The following KCNG3 variants were observed in gnomAD, a reference collection of about 807,000 sequenced individuals.
KCNG3 encodes potassium voltage-gated channel modifier subfamily G member 3.
In KCNG3, 15 loss-of-function variants were observed where a neutral mutation model predicts 29.0. The ratio of observed to expected loss-of-function variants is 0.52; its 90% CI spans 0.35 to 0.80. The LOEUF (loss-of-function observed/expected upper bound fraction) is 0.80, where lower values mean the gene tolerates loss of function less well. KCNG3 is among the 30% of genes least tolerant of loss of function. KCNG3 has a pLI of 0.01. For missense variants in KCNG3, 512 were observed against 605.7 expected (o/e 0.85, Z 1.62); for synonymous variants, 322 against 248.9 (o/e 1.29, Z -2.76).
chr2:42,466,337 C>T (rs1200253999), intron 1 of KCNG3, among the ~76,000 whole-genome samples: 6 of 152,074 alleles, frequency 3.9e-5, no homozygotes, highest in African/African-American at 7.2e-5. Flanking sequence ...AACCAGGAGG[C>T]GGAGGTTGCA....
intron 1 of KCNG3, among the ~76,000 whole-genome samples, chr2:42,455,249 G>C (rs1350335311): frequency 1.3e-5 from 2 of 152,124 alleles, no homozygotes; most frequent in African/African-American, 4.8e-5. Context: ...CTACAGGTGT[G>C]AGCCACCACG....
chr2:42,401,133 G>A, the KCNG3 span, among the ~76,000 whole-genome samples: 30 of 148,548 alleles, frequency 2.0e-4, no homozygotes, highest in African/African-American at 5.4e-4. Context: ...AAATGTATGC[G>A]TATATATTAT....
intron 1 of KCNG3, chr2:42,470,203 A>G: frequency 2.4e-6 from 1 of 424,464 alleles, no homozygotes; most frequent in Non-Finnish European, 4.5e-6. Flanking sequence ...ATTATAAGAC[A>G]AAGCGAGTCC....
At chr2:42,430,396 A>G in the KCNG3 span, among the ~76,000 whole-genome samples, 1 of 151,336 alleles carries the variant, frequency 6.6e-6, no homozygotes, top group Non-Finnish European at 1.5e-5. Flanking sequence ...ATAAATAAAT[A>G]AATAAATAAA....
At chr2:42,393,640 T>G in the KCNG3 span, among the ~76,000 whole-genome samples, 2 of 152,102 alleles carry the variant, frequency 1.3e-5, no homozygotes, top group Non-Finnish European at 2.9e-5. Flanking sequence ...AGACTTAGAC[T>G]CCTATCTTTC....
chr2:42,409,979 A>T, the KCNG3 span, among the ~76,000 whole-genome samples: 2 of 152,042 alleles, frequency 1.3e-5, no homozygotes, highest in Non-Finnish European at 2.9e-5. Flanking sequence ...TTTGGGCCCC[A>T]CTTAGAACTT....
rs11691584 is a variant in KCNG3 at position 42,443,258 on chromosome 2, A to T, written c.*676T>A. 0.39 allele frequency: 58,754 copies of T among 152,152 alleles called. 11,840 individuals carry two copies. The highest frequency in any genetic ancestry group is 0.54 in the Admixed American group (8,233 of 15,246). The allele number at this position is 152,152 out of a possible 1,614,324, so 9.4% of individuals were successfully genotyped here. ...ATTCTTAAATACCTTTTGAGTCATTACAGTAAAGAGATAAATCCAAAATGG... is the reference window on the plus strand; with the variant it reads ...ATTCTTAAATACCTTTTGAGTCATTTCAGTAAAGAGATAAATCCAAAATGG... On this transcript the variant is annotated 3_prime_UTR_variant, in exon 2 of 2. Coordinates refer to ENST00000306078, the MANE Select transcript of KCNG3 (RefSeq NM_133329.6).
the KCNG3 span, among the ~76,000 whole-genome samples, chr2:42,399,006 C>T: frequency 6.6e-6 from 1 of 151,128 alleles, no homozygotes; most frequent in Non-Finnish European, 1.5e-5. Context: ...ATCCCTGGCC[C>T]GTTTTTTAAT....
chr2:42,430,799 A>G, the KCNG3 span, among the ~76,000 whole-genome samples: 2,047 of 152,196 alleles, frequency 0.013, 32 homozygotes, highest in African/African-American at 0.046. Context: ...CAAAGAAAGT[A>G]TTAAGCAAAA....
chr2:42,482,578 C>T (rs1019247317), intron 1 of KCNG3, among the ~76,000 whole-genome samples: 1 of 151,096 alleles, frequency 6.6e-6, no homozygotes, highest in Admixed American at 6.6e-5. Flanking sequence ...CAAAAATTAG[C>T]CGGGCCTGGG....
chr2:42,453,339 T>G (rs1672808486), intron 1 of KCNG3, among the ~76,000 whole-genome samples: 1 of 152,220 alleles, frequency 6.6e-6, no homozygotes, highest in African/African-American at 2.4e-5. Flanking sequence ...GGATCCCTTT[T>G]CTCCACATCC....
downstream of KCNG3, among the ~76,000 whole-genome samples, chr2:42,441,587 A>C (rs1295254597): frequency 6.6e-6 from 1 of 151,932 alleles, no homozygotes; most frequent in Non-Finnish European, 1.5e-5. Flanking sequence ...GTATTTACCC[A>C]ACATGCTTCT....
At chr2:42,419,219 C>T in the KCNG3 span, among the ~76,000 whole-genome samples, 21 of 27,732 alleles carry the variant, frequency 7.6e-4, no homozygotes, top group Non-Finnish European at 9.3e-4. Flanking sequence ...GATGGTATCT[C>T]TTTTTTTTTT....
At chr2:42,470,718 G>C (rs1333461748) in intron 1 of KCNG3, among the ~76,000 whole-genome samples, 1 of 151,108 alleles carries the variant, frequency 6.6e-6, no homozygotes. Flanking sequence ...CTACAAAAAA[G>C]TACAAAAATT....
intron 1 of KCNG3, among the ~76,000 whole-genome samples, chr2:42,450,516 T>C (rs553014644): frequency 3.3e-5 from 5 of 152,350 alleles, no homozygotes; most frequent in African/African-American, 1.2e-4. Context: ...AGGTTACTTC[T>C]GTAAAATTAA....
the KCNG3 span, among the ~76,000 whole-genome samples, chr2:42,412,518 T>C: frequency 6.6e-6 from 1 of 152,238 alleles, no homozygotes; most frequent in Non-Finnish European, 1.5e-5. Flanking sequence ...TCTCCCATTA[T>C]GATTGTAAAT....
At chr2:42,469,200 C>T (rs184501060) in intron 1 of KCNG3, among the ~76,000 whole-genome samples, 3 of 152,002 alleles carry the variant, frequency 2.0e-5, no homozygotes, top group Admixed American at 1.3e-4. Context: ...AGCTGGATCA[C>T]GAGGTCAGAA....
chr2:42,433,724 CA>C, the KCNG3 span, among the ~76,000 whole-genome samples: 1 of 151,912 alleles, frequency 6.6e-6, no homozygotes, highest in African/African-American at 2.4e-5. Flanking sequence ...GGTGACAGAA[CA>C]AAACTCTGTC....
chr2:42,407,729 T>A, the KCNG3 span, among the ~76,000 whole-genome samples: 1 of 150,832 alleles, frequency 6.6e-6, no homozygotes, highest in Non-Finnish European at 1.5e-5. Flanking sequence ...CTGCCCTCCC[T>A]GGTGCAGCTT....
Sources: gnomAD v4.1 joint callset for allele counts (sites outside exome capture counted in the v4.1 genomes callset) on GRCh38, gnomAD v4.1.1 for gene constraint, MANE v1.5 for transcripts, NCBI Gene and HGNC (gene_info 2026-07-23, HGNC 2026-07-21) for gene names.